Variants in SPECC1 observed in about 807,000 individuals in gnomAD.
The protein encoded by SPECC1 is cytospin-B.
SPECC1 carries 62 observed loss-of-function variants against 104.1 expected under a neutral mutation model. The ratio of observed to expected loss-of-function variants is 0.60; its 90% confidence interval spans 0.49 to 0.74. The LOEUF (loss-of-function observed/expected upper bound fraction) is 0.74. Among genes scored for constraint, SPECC1 ranks in the 30% least tolerant of loss-of-function variants. The pLI, the probability that SPECC1 is intolerant of heterozygous loss-of-function variation, is 0.00. For missense variants in SPECC1, 1,306 were observed against 1,310.5 expected (o/e 1.00, Z 0.05); for synonymous variants, 513 against 501.6 (o/e 1.02, Z -0.30).
chr17:20,068,311 C>G (rs189906711), intron 1 of SPECC1, among the ~76,000 whole-genome samples: 4 of 152,054 alleles, frequency 2.6e-5, no homozygotes, highest in Non-Finnish European at 5.9e-5. Context: ...ATCCATGTAT[C>G]GGTACATTAT....
chr17:20,313,845 C>G (rs2041994303), intron 14 of SPECC1, 131 bp from the exon 15 acceptor site: 1 of 765,602 alleles, frequency 1.3e-6, no homozygotes, highest in Non-Finnish European at 2.2e-6. Flanking sequence ...CCTGTGCTGG[C>G]CTTCACGTTC....
intron 4 of SPECC1, among the ~76,000 whole-genome samples, chr17:20,217,247 G>A (rs1170446634): frequency 6.6e-6 from 1 of 151,446 alleles, no homozygotes; most frequent in African/African-American, 2.4e-5. Flanking sequence ...ATGACTTAAG[G>A]GTTTCAGTTT....
At chr17:20,282,099 C>T (rs2040790764) in intron 12 of SPECC1, among the ~76,000 whole-genome samples, 1 of 152,252 alleles carries the variant, frequency 6.6e-6, no homozygotes, top group Non-Finnish European at 1.5e-5. Flanking sequence ...GGCAACCAGA[C>T]CCTGTGTCAC....
At chr17:20,174,867 G>A (rs375832141) in intron 3 of SPECC1, among the ~76,000 whole-genome samples, 4 of 151,964 alleles carry the variant, frequency 2.6e-5, no homozygotes, top group East Asian at 3.9e-4. Flanking sequence ...CTGCTTCCTG[G>A]CACCTCATTT....
At chr17:20,116,588 T>C (rs2048766227) in intron 3 of SPECC1, among the ~76,000 whole-genome samples, 1 of 152,108 alleles carries the variant, frequency 6.6e-6, no homozygotes, top group Non-Finnish European at 1.5e-5. Flanking sequence ...CTTAGGAAGA[T>C]TAAATAGAAT....
At chr17:20,059,543 T>C (rs1047091714) in intron 1 of SPECC1, among the ~76,000 whole-genome samples, 1 of 145,344 alleles carries the variant, frequency 6.9e-6, no homozygotes, top group Non-Finnish European at 1.5e-5. Flanking sequence ...AGCAGTGTTG[T>C]AGACTGGCAT....
At chr17:20,260,379 TG>T (rs1192164234) in intron 12 of SPECC1, 85 bp downstream of exon 12, 1 of 1,139,908 alleles carries the variant, frequency 8.8e-7, no homozygotes, top group Admixed American at 2.0e-5. Context: ...TGCCTGTGCT[TG>T]ATGGGCCAAT....
At chr17:20,265,798 A>T (rs557944245) in intron 12 of SPECC1, among the ~76,000 whole-genome samples, 1 of 152,180 alleles carries the variant, frequency 6.6e-6, no homozygotes, top group Non-Finnish European at 1.5e-5. Context: ...TCTAGTTTCT[A>T]TCTTCTGCGT....
At chr17:20,298,978 G>GGTGTGT (rs747414391) in intron 13 of SPECC1, among the ~76,000 whole-genome samples, 1 of 29,478 alleles carries the variant, frequency 3.4e-5, no homozygotes, top group African/African-American at 1.9e-4. Context: ...TGTGTATGTA[G>GGTGTGT]AGAGAGAGAG....
intron 12 of SPECC1, among the ~76,000 whole-genome samples, chr17:20,277,551 T>C (rs960824834): frequency 2.0e-5 from 3 of 152,168 alleles, no homozygotes; most frequent in Non-Finnish European, 4.4e-5. Context: ...CTGGTTTTTC[T>C]TTTTTTCTTT....
chr17:20,225,191 C>T (rs1317150239), intron 4 of SPECC1, among the ~76,000 whole-genome samples: 1 of 152,182 alleles, frequency 6.6e-6, no homozygotes, highest in Non-Finnish European at 1.5e-5. Context: ...TTTACTCTTC[C>T]CTCTCCGCCC....
intron 12 of SPECC1, among the ~76,000 whole-genome samples, chr17:20,267,500 C>T (rs2040256253): frequency 6.6e-6 from 1 of 152,158 alleles, no homozygotes; most frequent in South Asian, 2.1e-4. Context: ...TTATATGACA[C>T]AGGGAGATGG....
At chr17:20,267,938 G>A (rs1411550351) in intron 12 of SPECC1, among the ~76,000 whole-genome samples, 1 of 152,134 alleles carries the variant, frequency 6.6e-6, no homozygotes, top group Admixed American at 6.5e-5. Context: ...TGAACATGTG[G>A]AATTCAGCTC....
chr17:20,148,353 C>T (rs2031658343), intron 3 of SPECC1, among the ~76,000 whole-genome samples: 1 of 152,146 alleles, frequency 6.6e-6, no homozygotes, highest in African/African-American at 2.4e-5. Flanking sequence ...GGTTCTCCCA[C>T]CTCAGCCTCC....
chr17:20,195,465 C>T (rs1298325609), intron 3 of SPECC1, among the ~76,000 whole-genome samples: 1 of 152,104 alleles, frequency 6.6e-6, no homozygotes, highest in African/African-American at 2.4e-5. Flanking sequence ...GAAAGCAAAA[C>T]ACCATTTCAC....
At chr17:20,056,961 G>C (rs960990106) in intron 1 of SPECC1, among the ~76,000 whole-genome samples, 1 of 152,050 alleles carries the variant, frequency 6.6e-6, no homozygotes, top group African/African-American at 2.4e-5. Flanking sequence ...TGTTTCCATT[G>C]AAATAGAAAG....
At chr17:20,167,420 C>T (rs1285562892) in intron 3 of SPECC1, among the ~76,000 whole-genome samples, 1 of 152,068 alleles carries the variant, frequency 6.6e-6, no homozygotes, top group Non-Finnish European at 1.5e-5. Context: ...GGCTCACGGC[C>T]TGTAATCCTA....
At chr17:20,182,790 C>G (rs996043969) in intron 3 of SPECC1, among the ~76,000 whole-genome samples, 1 of 152,178 alleles carries the variant, frequency 6.6e-6, no homozygotes, top group African/African-American at 2.4e-5. Context: ...CAAGGTGATG[C>G]ATGATACCTG....
intron 1 of SPECC1, among the ~76,000 whole-genome samples, chr17:20,032,665 T>C (rs1208238208): frequency 6.6e-6 from 1 of 152,098 alleles, no homozygotes; most frequent in Non-Finnish European, 1.5e-5. Flanking sequence ...TGGAGTAATA[T>C]TGTTATGATA....
Sources: gnomAD v4.1 joint callset for allele counts (sites outside exome capture counted in the v4.1 genomes callset) on GRCh38, gnomAD v4.1.1 for gene constraint, MANE v1.5 for transcripts, NCBI Gene and HGNC (gene_info 2026-07-23, HGNC 2026-07-21) for gene names.